The following TMEM132C variants were observed in gnomAD, a reference collection of about 807,000 sequenced individuals.
TMEM132C encodes the protein protein phosphatase 1, regulatory subunit 152.
In TMEM132C, 29 loss-of-function variants were observed where a neutral mutation model predicts 61.4. The ratio of observed to expected loss-of-function variants is 0.47; its 90% confidence interval spans 0.35 to 0.64. The LOEUF (loss-of-function observed/expected upper bound fraction) is 0.64, where lower values mean the gene tolerates loss of function less well. TMEM132C is among the 30% of genes least tolerant of loss of function. The probability of loss-of-function intolerance (pLI) is 0.00; values close to 1 mark genes in which losing one functional copy is unlikely to be tolerated. For synonymous variants in TMEM132C, 656 were observed against 633.1 expected (o/e 1.04, Z -0.54); for missense variants, 1,408 against 1,476.9 (o/e 0.95, Z 0.76).
intron 1 of TMEM132C, among the ~76,000 whole-genome samples, chr12:128,349,949 G>C (rs936041502): frequency 8.6e-5 from 13 of 151,338 alleles, no homozygotes; most frequent in African/African-American, 2.9e-4. Context: ...ACACGTGCAA[G>C]CATACATGTG....
chr12:128,516,531 C>T (rs767719518), intron 2 of TMEM132C, among the ~76,000 whole-genome samples: 10 of 151,842 alleles, frequency 6.6e-5, no homozygotes, highest in South Asian at 2.1e-4. Flanking sequence ...TGTTCGGTGC[C>T]GTGATAGGAG....
At chr12:128,406,685 G>A (rs1299312985) in intron 1 of TMEM132C, among the ~76,000 whole-genome samples, 1 of 152,158 alleles carries the variant, frequency 6.6e-6, no homozygotes, top group Non-Finnish European at 1.5e-5. Context: ...TAAAACTCTG[G>A]AACAAGGATG....
At chr12:128,473,916 GTT>G (rs1004155813) in intron 2 of TMEM132C, among the ~76,000 whole-genome samples, 8 of 152,216 alleles carry the variant, frequency 5.3e-5, no homozygotes, top group African/African-American at 1.4e-4. Flanking sequence ...CACATTGACA[GTT>G]TCCAGGATGT....
chr12:128,500,691 G>T (rs1313700013), intron 2 of TMEM132C, among the ~76,000 whole-genome samples: 3 of 152,108 alleles, frequency 2.0e-5, no homozygotes, highest in African/African-American at 7.2e-5. Flanking sequence ...GACCACAGAC[G>T]TTGGGAAGAA....
chr12:128,397,723 C>A (rs1334451705), intron 1 of TMEM132C, among the ~76,000 whole-genome samples: 1 of 152,110 alleles, frequency 6.6e-6, no homozygotes, highest in Non-Finnish European at 1.5e-5. Context: ...TGGAGTCCTC[C>A]TGCTTCTCTC....
At chr12:128,456,372 T>C (rs1870344508) in intron 2 of TMEM132C, among the ~76,000 whole-genome samples, 1 of 14,402 alleles carries the variant, frequency 6.9e-5, no homozygotes, top group Non-Finnish European at 1.4e-4. Context: ...TAGCCTTTTT[T>C]TTTTTTTTTT....
At chr12:128,588,059 C>T (rs1875615329) in intron 3 of TMEM132C, among the ~76,000 whole-genome samples, 1 of 152,188 alleles carries the variant, frequency 6.6e-6, no homozygotes, top group Non-Finnish European at 1.5e-5. Flanking sequence ...GACAGAGGCA[C>T]TTTGGTGTAC....
At chr12:128,671,567 C>G (rs1223936397) in intron 5 of TMEM132C, among the ~76,000 whole-genome samples, 1 of 152,136 alleles carries the variant, frequency 6.6e-6, no homozygotes, top group Non-Finnish European at 1.5e-5. Flanking sequence ...AACTCCATGT[C>G]TGAGTAGAAG....
intron 4 of TMEM132C, among the ~76,000 whole-genome samples, chr12:128,665,812 C>CTCAT (rs1954458857): frequency 1.6e-5 from 2 of 126,714 alleles, no homozygotes; most frequent in South Asian, 2.3e-4. Flanking sequence ...TTCACAGGCA[C>CTCAT]ACACACATTC....
At chr12:128,395,453 C>G (rs938562399) in intron 1 of TMEM132C, among the ~76,000 whole-genome samples, 2 of 152,138 alleles carry the variant, frequency 1.3e-5, no homozygotes, top group Admixed American at 1.3e-4. Context: ...AGATGCTTCT[C>G]TACTTATGAT....
chr12:128,559,096 AACAC>A (rs368220802), intron 3 of TMEM132C, among the ~76,000 whole-genome samples: 5,928 of 149,194 alleles, frequency 0.04, 365 homozygotes, highest in African/African-American at 0.14. Context: ...TGCATATGCA[AACAC>A]ACACACACAC....
At chr12:128,280,993 C>T (rs7960113) in intron 1 of TMEM132C, among the ~76,000 whole-genome samples, 76,770 of 151,948 alleles carry the variant, frequency 0.51, 19,764 homozygotes, top group African/African-American at 0.61. Context: ...AAGAACGATA[C>T]ATATTCCTAC....
intron 4 of TMEM132C, among the ~76,000 whole-genome samples, chr12:128,653,597 G>A (rs1206274552): frequency 1.3e-5 from 2 of 152,158 alleles, no homozygotes; most frequent in Non-Finnish European, 2.9e-5. Context: ...CTTAGTAGCT[G>A]CCAGTTCTTG....
chr12:128,691,618 A>G (rs1954719829), intron 5 of TMEM132C, among the ~76,000 whole-genome samples: 1 of 152,220 alleles, frequency 6.6e-6, no homozygotes, highest in Admixed American at 6.5e-5. Context: ...CTGTCTATCA[A>G]TCTGTCGACC....
intron 2 of TMEM132C, among the ~76,000 whole-genome samples, chr12:128,500,454 T>A (rs1361227828): frequency 6.6e-6 from 1 of 152,094 alleles, no homozygotes; most frequent in Non-Finnish European, 1.5e-5. Flanking sequence ...CTGATAAGCA[T>A]CTAGTATCTA....
At chr12:128,576,210 C>T (rs1029965748) in intron 3 of TMEM132C, among the ~76,000 whole-genome samples, 4 of 151,480 alleles carry the variant, frequency 2.6e-5, no homozygotes, top group Middle Eastern at 3.4e-3. Flanking sequence ...GCTGAGATCA[C>T]GCCACTGCAC....
intron 1 of TMEM132C, among the ~76,000 whole-genome samples, chr12:128,371,519 C>T (rs532827452): frequency 3.9e-5 from 6 of 152,322 alleles, no homozygotes; most frequent in Non-Finnish European, 5.9e-5. Context: ...AGGCTTCCAA[C>T]TGCTGGAAGT....
intron 2 of TMEM132C, among the ~76,000 whole-genome samples, chr12:128,424,801 T>G (rs954831578): frequency 4.6e-5 from 7 of 152,234 alleles, no homozygotes; most frequent in African/African-American, 1.7e-4. Context: ...CGTTGAACAT[T>G]GAGCCAATTT....
chr12:128,508,744 T>A (rs935750664), intron 2 of TMEM132C, among the ~76,000 whole-genome samples: 1 of 152,198 alleles, frequency 6.6e-6, no homozygotes, highest in South Asian at 2.1e-4. Flanking sequence ...TTTTCCTGTT[T>A]GCAGCCTGGT....
Sources: allele counts gnomAD v4.1 joint callset (sites outside exome capture counted in the v4.1 genomes callset), GRCh38; gene constraint gnomAD v4.1.1; transcripts MANE v1.5; gene names NCBI Gene and HGNC (gene_info 2026-07-23, HGNC 2026-07-21).